Variants in SYNE1 observed in about 807,000 individuals in gnomAD.
The protein encoded by SYNE1 is nesprin-1.
In SYNE1, 616 loss-of-function variants were observed where a neutral mutation model predicts 1,111.0. That is an observed-to-expected ratio of 0.55 (90% CI 0.52 to 0.59). The LOEUF is 0.59. Ranked by LOEUF, SYNE1 falls within the 20% of genes least tolerant of loss-of-function variation. SYNE1 has a pLI of 0.00. For synonymous variants in SYNE1, 3,855 were observed against 3,825.8 expected, an observed-to-expected ratio of 1.01 and a Z score of -0.28; for missense variants, 10,006 against 10,417.0, an observed-to-expected ratio of 0.96 and a Z score of 1.72.
chr6:152,462,954 A>G, intron 19 of SYNE1, 64 bp from the exon 20 acceptor site: 1 of 1,551,032 alleles, frequency 6.4e-7, no homozygotes, highest in Non-Finnish European at 8.9e-7. Context: ...TGGAACCACA[A>G]CTTTCACTTT....
chr6:152,564,111 T>C (rs995083301), intron 3 of SYNE1, among the ~76,000 whole-genome samples: 7 of 152,296 alleles, frequency 4.6e-5, no homozygotes, highest in Admixed American at 4.6e-4. Flanking sequence ...AAAGACTAGA[T>C]TTTTAAGCAA....
chr6:152,413,911 T>C (rs572183132), intron 41 of SYNE1, among the ~76,000 whole-genome samples: 1 of 152,062 alleles, frequency 6.6e-6, no homozygotes, highest in Non-Finnish European at 1.5e-5. Flanking sequence ...TGAGGTTCAA[T>C]CCATGTAAAT....
At chr6:152,182,077 T>C (rs955387270) in intron 128 of SYNE1, among the ~76,000 whole-genome samples, 1 of 152,240 alleles carries the variant, frequency 6.6e-6, no homozygotes, top group Admixed American at 6.5e-5. Flanking sequence ...CTCAAATCCG[T>C]TGCCTGCTTT....
chr6:152,145,385 T>A, intron 137 of SYNE1: 1 of 1,133,586 alleles, frequency 8.8e-7, no homozygotes, highest in Non-Finnish European at 1.3e-6. Context: ...TGCCTTAACA[T>A]GCTAGAGCCA....
chr6:152,474,803 A>G (rs1280710681), intron 14 of SYNE1, among the ~76,000 whole-genome samples: 1 of 152,170 alleles, frequency 6.6e-6, no homozygotes, highest in Non-Finnish European at 1.5e-5. Context: ...GAGGGCAATC[A>G]TACTGTACAA....
chr6:152,546,890 A>G (rs1412399015), intron 3 of SYNE1: 4 of 152,192 alleles, frequency 2.6e-5, no homozygotes, highest in African/African-American at 7.2e-5. Context: ...TGAATGAAAT[A>G]ACCATTTTTC....
rs961654604 is a variant in SYNE1 at position 152,387,497 on chromosome 6, T to A, written c.8178-116A>T. 2.5e-4 allele frequency: 267 copies of A among 1,080,218 alleles called. 1 individual carries two copies. Among genetic ancestry groups the A allele is most frequent in the Non-Finnish European group, 3.4e-4 (249 of 730,666 alleles). 66.9% of individuals were successfully genotyped at this position (1,080,218 alleles called of 1,614,324 possible). On this transcript the variant is annotated intron_variant, in intron 53 of 145. Coordinates refer to ENST00000367255, the MANE Select transcript of SYNE1 (RefSeq NM_182961.4). ...TTTTATTGAATGCTACTGGAAGTGA[T>A]GAAAATGTTGCTTTTGAGTGCAGGG...
At chr6:152,602,608 C>T (rs2099598808) in intron 3 of SYNE1, among the ~76,000 whole-genome samples, 1 of 152,164 alleles carries the variant, frequency 6.6e-6, no homozygotes. Flanking sequence ...GCCCATGTTA[C>T]TCAATTCTTC....
chr6:152,189,549 G>A (rs1480795766), intron 127 of SYNE1, 142 bp from the exon 128 acceptor site: 1 of 750,008 alleles, frequency 1.3e-6, no homozygotes, highest in Non-Finnish European at 2.2e-6. Context: ...GGCACATCAT[G>A]GCAATATTAC....
At chr6:152,140,582 C>T (rs2058312099) in intron 139 of SYNE1, among the ~76,000 whole-genome samples, 1 of 152,158 alleles carries the variant, frequency 6.6e-6, no homozygotes, top group South Asian at 2.1e-4. Context: ...CCTGTAATCC[C>T]AGCTACTCGA....
At chr6:152,348,877 C>T (rs1391448404) in intron 72 of SYNE1, among the ~76,000 whole-genome samples, 4 of 151,820 alleles carry the variant, frequency 2.6e-5, no homozygotes, top group Admixed American at 6.6e-5. Context: ...CTACAAACAG[C>T]GCTGGGCTAG....
chr6:152,258,865 C>T (rs866046011), intron 101 of SYNE1, among the ~76,000 whole-genome samples: 20 of 151,862 alleles, frequency 1.3e-4, no homozygotes, highest in Admixed American at 3.3e-4. Context: ...CTGTCTCAGC[C>T]GCCTGAATAG....
At chr6:152,323,846 G>T in intron 81 of SYNE1, 109 bp from the exon 82 acceptor site, 1 of 1,303,540 alleles carries the variant, frequency 7.7e-7, no homozygotes, top group Non-Finnish European at 1.1e-6. Context: ...TAAAGATGAT[G>T]ATATAAATTC....
At chr6:152,224,878 A>G (rs1055180681) in intron 116 of SYNE1, among the ~76,000 whole-genome samples, 2 of 147,636 alleles carry the variant, frequency 1.4e-5, no homozygotes, top group Non-Finnish European at 3.0e-5. Context: ...TTCTAAGTGG[A>G]AATGCTTAAA....
rs755560676 is a variant in SYNE1 at position 152,347,202 on chromosome 6, G to T, written c.11935C>A (p.Arg3979Ser). 20 of 1,614,106 alleles carry T rather than the reference G, an allele frequency of 1.2e-5. No homozygotes were observed. The highest frequency in any genetic ancestry group is 1.5e-5 in the Non-Finnish European group (18 of 1,180,016). Residue 3979 changes from arginine to serine, a missense_variant, in exon 73 of 146, where the codon CGT becomes AGT. This residue lies in a region of SYNE1 where 4,955 missense variants were observed against 5,017.2 expected (regional missense o/e 0.99). Transcript: ENST00000367255. Reference sequence around the variant, plus strand: ...CCTTTCATTTGAAGATTGTTCAAACGGTCTTCAAAACCAGCAATTTCTTCC... The same window carrying T: ...CCTTTCATTTGAAGATTGTTCAAACTGTCTTCAAAACCAGCAATTTCTTCC... ...MMEEIAGFED[R>S]LNNLQMKGDT...
chr6:152,134,145 T>C (rs2056504540), intron 142 of SYNE1: 1 of 153,812 alleles, frequency 6.5e-6, no homozygotes, highest in Non-Finnish European at 1.4e-5. Flanking sequence ...TTCTATAAAG[T>C]CACTTAAATA....
At chr6:152,273,945 C>T (rs1437835637) in intron 98 of SYNE1, among the ~76,000 whole-genome samples, 4 of 152,112 alleles carry the variant, frequency 2.6e-5, no homozygotes, top group African/African-American at 7.2e-5. Context: ...CTGCCTCTAG[C>T]GGTAGGGTGG....
Position 152,442,315 on chromosome 6 carries a change from C to G in SYNE1, c.3838-70G>C, listed in dbSNP as rs1259390133. On this transcript the variant is annotated intron_variant, in intron 30 of 145. Transcript: ENST00000367255. ...AACAGCTAAGTAGGGACATCAACAC[C>G]CACGCTTAACAGAAGTACAGAAAGG... 14 of 1,579,382 alleles carry G rather than the reference C, an allele frequency of 8.9e-6. No homozygotes were observed. The East Asian group carries it at 2.5e-4, about 28-fold the overall frequency.
chr6:152,572,340 A>T (rs575965269), intron 3 of SYNE1, among the ~76,000 whole-genome samples: 1 of 152,170 alleles, frequency 6.6e-6, no homozygotes, highest in South Asian at 2.1e-4. Flanking sequence ...CATTAATTAC[A>T]TGTATCCAAA....
Sources: allele counts gnomAD v4.1 joint callset (sites outside exome capture counted in the v4.1 genomes callset), GRCh38; gene constraint gnomAD v4.1.1; regional missense constraint gnomAD v4.1.1; transcripts MANE v1.5; gene names NCBI Gene and HGNC (gene_info 2026-07-23, HGNC 2026-07-21).